Variants in NUB1 observed in about 807,000 individuals in gnomAD.
NUB1 encodes NEDD8 ultimate buster 1.
In NUB1, 41 loss-of-function variants were observed where a neutral mutation model predicts 77.1. The observed-to-expected ratio is 0.53, with a 90% CI of 0.41 to 0.69. The LOEUF (loss-of-function observed/expected upper bound fraction) is 0.69. Ranked by LOEUF, NUB1 falls within the 30% of genes least tolerant of loss-of-function variation. The pLI is 0.00. For missense variants in NUB1, 643 were observed against 743.8 expected, an observed-to-expected ratio of 0.86 and a Z score of 1.58; for synonymous variants, 257 against 281.0, an observed-to-expected ratio of 0.91 and a Z score of 0.85.
At chr7:151,352,194 G>A (rs1472934712) in intron 4 of NUB1, 2 of 456,292 alleles carry the variant, frequency 4.4e-6, no homozygotes, top group South Asian at 3.1e-5. Context: ...ACCACAGAAG[G>A]TATAGGTAGA....
Position 151,369,904 on chromosome 7 carries a change from GT to G in NUB1, c.1248+1020del, listed in dbSNP as rs375822133. Among the ~76,000 whole-genome samples the G allele has an allele frequency of 1.9e-4, 29 of 152,302 alleles. 1 individual carries two copies. The highest frequency in any genetic ancestry group is 7.0e-4 in the African/African-American group (29 of 41,558). On this transcript the variant is annotated intron_variant, in intron 11 of 14. Coordinates refer to ENST00000568733, the MANE Select transcript of NUB1 (RefSeq NM_001243351.2). The stretch of plus-strand genomic sequence containing the variant: ...ATGGGAGCAGGAAAGCCCCGTGGTT[GT>G]TTGCCTACCTGATGCCAGAGAGGGA...
chr7:151,357,868 C>G (rs1208129264), intron 7 of NUB1, among the ~76,000 whole-genome samples: 2 of 151,894 alleles, frequency 1.3e-5, no homozygotes, highest in Non-Finnish European at 2.9e-5. Context: ...CCTCGGCCTC[C>G]CAAAGTGCTG....
chr7:151,360,344 C>T, intron 8 of NUB1, 97 bp downstream of exon 8: 1 of 622,802 alleles, frequency 1.6e-6, no homozygotes, highest in South Asian at 2.1e-5. Flanking sequence ...AGACTTTCAT[C>T]TACAACAGTG....
chr7:151,357,967 T>G (rs542625417), intron 7 of NUB1, among the ~76,000 whole-genome samples: 1 of 151,514 alleles, frequency 6.6e-6, no homozygotes, highest in South Asian at 2.1e-4. Flanking sequence ...ATCAGTAGAT[T>G]GATGTTTGTC....
At position 151,376,796 on chromosome 7, in the gene NUB1, C is replaced by A. The variant is rs1458457448; in HGVS notation, c.1654C>A (p.Pro552Thr). ...CTCTTTGTCCCCGCCAGCCACGTCC[C>A]CTTCTGACTCCGCAGGTAGGTCTGA... ...EDSLSPPATS[P>T]SDSAGTSSAS... Residue 552 changes from proline (P) to threonine (T), a missense_variant, in exon 14 of 15, where the codon CCT (proline) becomes ACT (threonine). Physicochemically the swap from Pro to Thr is conservative, Grantham distance 38 (BLOSUM62 -1). Transcript: ENST00000568733. 3.8e-6 allele frequency: 6 copies of A among 1,585,414 alleles called. No individual in the cohort carries two copies. The highest frequency in any genetic ancestry group is 5.1e-6 in the Non-Finnish European group (6 of 1,166,804).
At chr7:151,374,430 A>T (rs1182315724) in intron 12 of NUB1, 187 bp downstream of exon 12, 3 of 752,736 alleles carry the variant, frequency 4.0e-6, no homozygotes, top group Non-Finnish European at 6.7e-6. Context: ...GTGAGGCCCC[A>T]TGCTCAGTGC....
chr7:151,360,279 T>C (rs778785335), intron 8 of NUB1, 32 bp downstream of exon 8: 2 of 1,228,382 alleles, frequency 1.6e-6, no homozygotes, highest in East Asian at 2.3e-5. Context: ...GAACACCAGC[T>C]TTAAGGAAGA....
At chr7:151,367,210 C>G in intron 9 of NUB1, 85 bp downstream of exon 9, 1 of 1,088,110 alleles carries the variant, frequency 9.2e-7, no homozygotes, top group Non-Finnish European at 1.4e-6. Context: ...TGAACTACTG[C>G]CAGAAGGTAA....
intron 8 of NUB1, among the ~76,000 whole-genome samples, chr7:151,361,696 T>G (rs1797389123): frequency 6.6e-6 from 1 of 152,170 alleles, no homozygotes; most frequent in Admixed American, 6.5e-5. Flanking sequence ...TTTCCATTGG[T>G]CAGTGCCTTT....
chr7:151,351,916 AACACACAC>A (rs1204427761), intron 4 of NUB1, among the ~76,000 whole-genome samples: 2 of 151,014 alleles, frequency 1.3e-5, no homozygotes, highest in Non-Finnish European at 2.9e-5. Context: ...CCATCTGTAA[AACACACAC>A]ACACACACAC....
chr7:151,372,770 C>T (rs541462596), intron 11 of NUB1, among the ~76,000 whole-genome samples: 1 of 152,042 alleles, frequency 6.6e-6, no homozygotes, highest in Non-Finnish European at 1.5e-5. Flanking sequence ...AATGACGGAG[C>T]CTGCTGCCCT....
chr7:151,350,492 C>T (rs1431665468), intron 3 of NUB1, among the ~76,000 whole-genome samples: 1 of 152,268 alleles, frequency 6.6e-6, no homozygotes, highest in South Asian at 2.1e-4. Context: ...TCGGGCATAA[C>T]AGAGGGCTCA....
intron 11 of NUB1, among the ~76,000 whole-genome samples, chr7:151,373,604 G>A (rs575540648): frequency 6.6e-6 from 1 of 152,354 alleles, no homozygotes; most frequent in South Asian, 2.1e-4. Context: ...TGGGGGGCGG[G>A]TCACCAGCTT....
At chr7:151,374,399 A>T in intron 12 of NUB1, 156 bp downstream of exon 12, 1 of 1,033,986 alleles carries the variant, frequency 9.7e-7, no homozygotes, top group Non-Finnish European at 1.4e-6. Context: ...TCCAGCCCAG[A>T]CACAGGCTGC....
chr7:151,370,123 T>C (rs1452108684), intron 11 of NUB1, among the ~76,000 whole-genome samples: 3 of 151,700 alleles, frequency 2.0e-5, no homozygotes, highest in Non-Finnish European at 4.4e-5. Context: ...TTCCAGAGTC[T>C]CACTCTGTCA....
chr7:151,351,519 G>A, intron 4 of NUB1, 37 bp downstream of exon 4: 1 of 1,512,194 alleles, frequency 6.6e-7, no homozygotes, highest in Non-Finnish European at 9.1e-7. Flanking sequence ...AGGTGCTCTG[G>A]GCCTTTTTAC....
intron 13 of NUB1, chr7:151,376,322 G>A: frequency 2.1e-6 from 1 of 487,058 alleles, no homozygotes; most frequent in South Asian, 2.5e-5. Flanking sequence ...ACACGCGTTA[G>A]CACGCCTGTA....
intron 1 of NUB1, 133 bp downstream of exon 1, chr7:151,341,979 C>T (rs1584927092): frequency 4.6e-6 from 6 of 1,307,732 alleles, no homozygotes; most frequent in Non-Finnish European, 5.8e-6. Flanking sequence ...AGCAGCCATG[C>T]GTGGAGCTGG....
intron 11 of NUB1, among the ~76,000 whole-genome samples, chr7:151,370,097 C>A (rs1423090529): frequency 2.1e-5 from 3 of 144,044 alleles, no homozygotes; most frequent in African/African-American, 7.6e-5. Flanking sequence ...AAGCTGAGTT[C>A]TTTTTTTTTT....
Sources: allele counts gnomAD v4.1 joint callset (sites outside exome capture counted in the v4.1 genomes callset), GRCh38; gene constraint gnomAD v4.1.1; transcripts MANE v1.5; gene names NCBI Gene and HGNC (gene_info 2026-07-23, HGNC 2026-07-21).